SLC22A23: variants seen among roughly 807,000 people sequenced by gnomAD.
SLC22A23 encodes the protein ion transporter protein.
A neutral mutation model predicts 61.0 loss-of-function variants in SLC22A23; 26 were observed. The observed-to-expected ratio is 0.43, with a 90% CI of 0.31 to 0.59. SLC22A23 has a LOEUF of 0.59. Among genes scored for constraint, SLC22A23 ranks in the 20% least tolerant of loss-of-function variants. SLC22A23 has a pLI of 0.11. For missense variants in SLC22A23, 796 were observed against 934.7 expected (o/e 0.85, Z 1.94); for synonymous variants, 430 against 413.9 (o/e 1.04, Z -0.47).
Position 3,298,235 on chromosome 6 carries a change from G to T in SLC22A23, c.1083-17C>A. The T allele has an allele frequency of 6.3e-7, 1 of 1,586,886 alleles. No homozygotes were observed. The highest frequency in any genetic ancestry group is 8.6e-7 in the Non-Finnish European group (1 of 1,169,512). On this transcript the variant is annotated splice_polypyrimidine_tract_variant and intron_variant, in intron 4 of 9. Transcript: ENST00000406686. ...GGGAATATCCTTTAAAGACACAAAG[G>T]GGATCAGTGAATGTCTTCCGATTCT...
chr6:3,372,266 C>T lies in SLC22A23; in HGVS notation c.913+37922G>A, dbSNP rs945541389. Among the ~76,000 whole-genome samples the T allele has an allele frequency of 6.6e-6, 1 of 152,218 alleles. No individual in the cohort carries two copies. The highest frequency in any genetic ancestry group is 2.4e-5 in the African/African-American group (1 of 41,450). ...GGTAAACACCATCGGGCCAGTAAAT[C>T]TTGTCCATCTAGTGTTTCAAAGTAG... On this transcript the variant is annotated intron_variant, in intron 3 of 9. Transcript: ENST00000406686. The surrounding 1 kb of genome is among the most constrained non-coding windows in gnomAD (Gnocchi z 4.7).
At position 3,309,475 on chromosome 6, in the gene SLC22A23, C is replaced by T. The variant is rs879400175; in HGVS notation, c.1083-11257G>A. Among the ~76,000 whole-genome samples, 2 of 152,198 alleles carry T rather than the reference C, an allele frequency of 1.3e-5. No individual in the cohort carries two copies. Among genetic ancestry groups the T allele is most frequent in the Non-Finnish European group, 2.9e-5 (2 of 68,038 alleles). On this transcript the variant is annotated intron_variant, in intron 4 of 9. Coordinates refer to ENST00000406686, the MANE Select transcript of SLC22A23 (RefSeq NM_015482.2). The surrounding 1 kb of genome is among the most constrained non-coding windows in gnomAD (Gnocchi z 4.7). ...AGCTGAGAAAGCCCCAGGCCACTAA[C>T]GCTGGGCAGAGGCCTCAGAGCAGGG...
At chr6:3,294,274 G>C (rs1397978775) in intron 5 of SLC22A23, among the ~76,000 whole-genome samples, 1 of 150,112 alleles carries the variant, frequency 6.7e-6, no homozygotes, top group Non-Finnish European at 1.5e-5. Context: ...ACTACCATTT[G>C]AGCATTCGAC....
At chr6:3,440,909 TA>T (rs1771549348) in intron 1 of SLC22A23, among the ~76,000 whole-genome samples, 1 of 152,174 alleles carries the variant, frequency 6.6e-6, no homozygotes, top group Non-Finnish European at 1.5e-5. Flanking sequence ...CCGTCTGTGG[TA>T]TTCTGCAGCC....
chr6:3,377,598 C>T (rs1292156164), intron 3 of SLC22A23, among the ~76,000 whole-genome samples: 1 of 152,228 alleles, frequency 6.6e-6, no homozygotes, highest in Non-Finnish European at 1.5e-5. Context: ...CATGCAGCTG[C>T]ATCCACAGGA....
At chr6:3,392,573 A>G (rs577251613) in intron 3 of SLC22A23, among the ~76,000 whole-genome samples, 1 of 152,326 alleles carries the variant, frequency 6.6e-6, no homozygotes, top group African/African-American at 2.4e-5. Flanking sequence ...CCAGGCATGA[A>G]ATGAAAAGGC....
At chr6:3,289,955 C>G in intron 5 of SLC22A23, 89 bp from the exon 6 acceptor site, 12 of 684,640 alleles carry the variant, frequency 1.8e-5, no homozygotes, top group South Asian at 5.7e-5. Flanking sequence ...TTCCCCAGTT[C>G]GGGTACCACA....
At chr6:3,362,327 C>T (rs1309180115) in intron 3 of SLC22A23, among the ~76,000 whole-genome samples, 2 of 147,190 alleles carry the variant, frequency 1.4e-5, no homozygotes, top group Non-Finnish European at 3.0e-5. Context: ...CGCTTGAATC[C>T]GGGAGGCAGA....
chr6:3,390,807 CAAT>C lies in SLC22A23; in HGVS notation c.913+19378_913+19380del, dbSNP rs1387953115. On this transcript the variant is annotated intron_variant, in intron 3 of 9. Coordinates refer to ENST00000406686, the MANE Select transcript of SLC22A23 (RefSeq NM_015482.2). This position sits in a 1 kb window ranked among gnomAD's most constrained non-coding sequence, Gnocchi z 4.0. The stretch of plus-strand genomic sequence containing the variant: ...CATCAGTCTCAGGCCCTACAGGCTT[CAAT>C]AATATGCTGCCTATCTGCCAAACCA... Among the ~76,000 whole-genome samples, 1 of 152,182 alleles carries C rather than the reference CAAT, an allele frequency of 6.6e-6. No homozygotes were observed. Among genetic ancestry groups the C allele is most frequent in the Non-Finnish European group, 1.5e-5 (1 of 68,034 alleles).
intron 2 of SLC22A23, among the ~76,000 whole-genome samples, chr6:3,412,765 C>T (rs1244251475): frequency 6.6e-6 from 1 of 152,106 alleles, no homozygotes; most frequent in Non-Finnish European, 1.5e-5. Context: ...ACAAGGAAAA[C>T]CTCCCCTGGC....
intron 4 of SLC22A23, among the ~76,000 whole-genome samples, chr6:3,319,925 A>C (rs1216552713): frequency 6.6e-6 from 1 of 152,160 alleles, no homozygotes; most frequent in African/African-American, 2.4e-5. Flanking sequence ...CTTTGGGTGA[A>C]TCTTCTTCTG....
chr6:3,287,769 C>T (rs902491545), intron 6 of SLC22A23, among the ~76,000 whole-genome samples: 1 of 151,958 alleles, frequency 6.6e-6, no homozygotes. Context: ...CTGCAACCTC[C>T]CCCTCCCTGG....
At position 3,410,018 on chromosome 6, in the gene SLC22A23, C is replaced by T. The variant is rs765040530; in HGVS notation, c.913+170G>A. On this transcript the variant is annotated intron_variant, in intron 3 of 9. Transcript: ENST00000406686. The surrounding 1 kb of genome is among the most constrained non-coding windows in gnomAD (Gnocchi z 5.0). ...GATCAGGATTGAGTGAAATGTTTCA[C>T]GGCATCACCTGAAAAGCCTCTTTCA... Among the ~76,000 whole-genome samples the T allele has an allele frequency of 2.4e-4, 36 of 152,194 alleles. No homozygotes were observed. The highest frequency in any genetic ancestry group is 1.1e-3 in the Admixed American group (17 of 15,278).
intron 3 of SLC22A23, among the ~76,000 whole-genome samples, chr6:3,361,519 G>A (rs1159940375): frequency 6.6e-6 from 1 of 152,116 alleles, no homozygotes; most frequent in Non-Finnish European, 1.5e-5. Flanking sequence ...GGAGAACGGC[G>A]ACCTGCCTAT....
At chr6:3,441,575 G>A (rs948322156) in intron 1 of SLC22A23, among the ~76,000 whole-genome samples, 3 of 152,254 alleles carry the variant, frequency 2.0e-5, no homozygotes, top group Admixed American at 1.3e-4. Flanking sequence ...GGATAGCTCA[G>A]ATGCCACAGC....
intron 5 of SLC22A23, among the ~76,000 whole-genome samples, chr6:3,295,497 G>A (rs950587711): frequency 3.9e-5 from 6 of 152,164 alleles, no homozygotes; most frequent in African/African-American, 9.7e-5. Flanking sequence ...GCTTGAAGCC[G>A]GTGGTGATGT....
rs114901414 is a variant in SLC22A23, at chr6:3,421,003, C to T, written c.655-5148G>A. Among the ~76,000 whole-genome samples, 235 of 151,774 alleles carry T rather than the reference C, an allele frequency of 1.5e-3. 1 individual carries two copies. The highest frequency in any genetic ancestry group is 5.5e-3 in the African/African-American group (227 of 41,360). On this transcript the variant is annotated intron_variant, in intron 1 of 9. Coordinates refer to ENST00000406686, the MANE Select transcript of SLC22A23 (RefSeq NM_015482.2). Reference sequence around the variant, plus strand: ...GTAATCCCAGCTACTCAGGAGCCTACGGCATGAGAATTGCTTGAACCTGGA... The same window carrying T: ...GTAATCCCAGCTACTCAGGAGCCTATGGCATGAGAATTGCTTGAACCTGGA...
chr6:3,315,476 G>A (rs1762584806), intron 4 of SLC22A23, among the ~76,000 whole-genome samples: 1 of 152,164 alleles, frequency 6.6e-6, no homozygotes. Flanking sequence ...TGTTCACATC[G>A]TGGAACTGGA....
At position 3,272,058 on chromosome 6, in the gene SLC22A23, T is replaced by C. The variant is rs1434667420; in HGVS notation, c.*997A>G. 1 of 152,464 alleles carries C rather than the reference T, an allele frequency of 6.6e-6. No homozygotes were observed. Among genetic ancestry groups the C allele is most frequent in the African/African-American group, 2.4e-5 (1 of 41,444 alleles). The allele number at this position is 152,464 out of a possible 1,614,324, so 9.4% of individuals were successfully genotyped here. ...CTGAGGTGACGGCCATCCAAGCTGGTGATCTTCATGGTGTGTGCTCAAGGT... is the reference window on the plus strand; with the variant it reads ...CTGAGGTGACGGCCATCCAAGCTGGCGATCTTCATGGTGTGTGCTCAAGGT... On this transcript the variant is annotated 3_prime_UTR_variant, in exon 10 of 10. Coordinates refer to ENST00000406686, the MANE Select transcript of SLC22A23 (RefSeq NM_015482.2).
Sources: gnomAD v4.1 joint callset for allele counts (sites outside exome capture counted in the v4.1 genomes callset) on GRCh38, gnomAD v4.1.1 for gene constraint, Gnocchi (gnomAD v3.1) non-coding constraint, MANE v1.5 for transcripts, NCBI Gene and HGNC (gene_info 2026-07-23, HGNC 2026-07-21) for gene names.